Variants in EFHC2 observed in about 807,000 individuals in gnomAD.
The protein encoded by EFHC2 is EF-hand domain containing 2.
Under a neutral mutation model 52.7 loss-of-function variants are expected in EFHC2, and 18 were observed. That is an observed-to-expected ratio of 0.34 (90% CI 0.24 to 0.51). The LOEUF is 0.51. Among genes scored for constraint, EFHC2 ranks in the 20% least tolerant of loss-of-function variants. The pLI, the probability that EFHC2 is intolerant of heterozygous loss-of-function variation, is 0.97. For missense variants in EFHC2, 513 were observed against 562.5 expected, an observed-to-expected ratio of 0.91 and a Z score of 0.89; for synonymous variants, 203 against 204.1, an observed-to-expected ratio of 0.99 and a Z score of 0.04.
chrX:44,254,903 C>T (rs909128036), intron 4 of EFHC2, among the ~76,000 whole-genome samples: 3 of 111,859 alleles, frequency 2.7e-5, no homozygotes, highest in Admixed American at 9.4e-5. Flanking sequence ...AAGGGAAGCC[C>T]ATCAGACTAA....
intron 7 of EFHC2, among the ~76,000 whole-genome samples, chrX:44,244,019 C>T (rs770431445): frequency 1.6e-4 from 18 of 111,579 alleles, no homozygotes; most frequent in Non-Finnish European, 2.8e-4. Context: ...ACTCTACATA[C>T]CAATCTAAGC....
chrX:44,167,761 C>G (rs913059612), intron 13 of EFHC2, among the ~76,000 whole-genome samples: 1 of 111,178 alleles, frequency 9.0e-6, no homozygotes, highest in African/African-American at 3.3e-5. Context: ...GGGAATCCCC[C>G]CAAGAGGCAC....
At chrX:44,272,115 C>G (rs1272008736) in intron 3 of EFHC2, among the ~76,000 whole-genome samples, 1 of 111,787 alleles carries the variant, frequency 8.9e-6, no homozygotes, top group African/African-American at 3.3e-5. Context: ...TCTCTGGTGG[C>G]CACATCACAG....
chrX:44,147,895 G>C lies in EFHC2; in HGVS notation c.*900C>G, dbSNP rs1048000338. 1 of 111,297 alleles carries C rather than the reference G, an allele frequency of 9.0e-6. No homozygotes were observed. Among genetic ancestry groups the C allele is most frequent in the African/African-American group, 3.3e-5 (1 of 30,588 alleles). The allele number at this position is 111,297 out of a possible 1,213,427, so 9.2% of individuals were successfully genotyped here. On this transcript the variant is annotated 3_prime_UTR_variant, in exon 15 of 15. Transcript: ENST00000420999. ...AATTCCCAGAGGTACATGGCTATGGGTTTTAATCAAATGTACACTACATGA... is the reference window on the plus strand; with the variant it reads ...AATTCCCAGAGGTACATGGCTATGGCTTTTAATCAAATGTACACTACATGA...
chrX:44,327,457 T>C (rs1256287143), intron 1 of EFHC2, among the ~76,000 whole-genome samples: 1 of 112,174 alleles, frequency 8.9e-6, no homozygotes, highest in Non-Finnish European at 1.9e-5. Flanking sequence ...TTTAGGTTAA[T>C]AGAAAATTTG....
At chrX:44,274,477 G>C (rs2037640242) in intron 2 of EFHC2, among the ~76,000 whole-genome samples, 1 of 112,215 alleles carries the variant, frequency 8.9e-6, no homozygotes, top group Non-Finnish European at 1.9e-5. Flanking sequence ...TCACTGAATT[G>C]CACACTTTAA....
intron 14 of EFHC2, among the ~76,000 whole-genome samples, chrX:44,150,531 G>C (rs2036562012): frequency 9.0e-6 from 1 of 111,660 alleles, no homozygotes; most frequent in Non-Finnish European, 1.9e-5. Context: ...GGTAGGTCTT[G>C]GCCAGGGAAA....
rs1230846296 is a variant in EFHC2 at position 44,343,552 on chromosome X, G to A, written c.37C>T (p.Arg13Cys). 8.4e-7 allele frequency: 1 copy of A among 1,196,595 alleles called. No homozygotes were observed. Among genetic ancestry groups the A allele is most frequent in the Admixed American group, 2.3e-5 (1 of 44,046 alleles). Reference sequence around the variant, plus strand: ...CGGACGCCCTTCCTACTCACGTTGCGGTTGAAGCTGTTGCCCGGCAGCAGA... The same window carrying A: ...CGGACGCCCTTCCTACTCACGTTGCAGTTGAAGCTGTTGCCCGGCAGCAGA... The part of the protein sequence containing the change: ...LPLLPGNSFN[R>C]NVGKEKFHKS... The change falls in exon 1 of 15, where the codon CGC (arginine) becomes TGC (cysteine). Residue 13 changes from arginine (R) to cysteine (C), a missense_variant. Transcript: ENST00000420999.
chrX:44,264,413 T>A (rs2037561741), intron 3 of EFHC2, among the ~76,000 whole-genome samples: 1 of 112,155 alleles, frequency 8.9e-6, no homozygotes, highest in Non-Finnish European at 1.9e-5. Flanking sequence ...CTGCAGGGCC[T>A]GCCCCACCAG....
At chrX:44,179,439 C>T (rs1011818048) in intron 11 of EFHC2, among the ~76,000 whole-genome samples, 1 of 112,054 alleles carries the variant, frequency 8.9e-6, no homozygotes, top group Non-Finnish European at 1.9e-5. Context: ...ATTTGGCCTT[C>T]TGCTAGAAAG....
At chrX:44,314,097 C>G (rs1337896902) in intron 1 of EFHC2, among the ~76,000 whole-genome samples, 1 of 112,040 alleles carries the variant, frequency 8.9e-6, no homozygotes, top group Non-Finnish European at 1.9e-5. Flanking sequence ...ATGGATAATA[C>G]ATGCATAGAA....
At chrX:44,317,668 C>T (rs182266490) in intron 1 of EFHC2, among the ~76,000 whole-genome samples, 1 of 112,863 alleles carries the variant, frequency 8.9e-6, no homozygotes, top group East Asian at 2.8e-4. Context: ...TGCGTATAGT[C>T]CCAGCTACTC....
intron 3 of EFHC2, among the ~76,000 whole-genome samples, chrX:44,262,528 A>AG (rs2147346351): frequency 9.6e-6 from 1 of 104,598 alleles, no homozygotes; most frequent in African/African-American, 3.5e-5. Flanking sequence ...AAAAAAAAAA[A>AG]AAAAAAAGAA....
chrX:44,218,499 C>T (rs1393189469), intron 11 of EFHC2, among the ~76,000 whole-genome samples: 1 of 111,451 alleles, frequency 9.0e-6, no homozygotes, highest in African/African-American at 3.3e-5. Context: ...TATGCTGGCC[C>T]ATAATATAAG....
intron 1 of EFHC2, 130 bp from the exon 2 acceptor site, chrX:44,312,886 T>C: frequency 1.8e-6 from 1 of 570,917 alleles, no homozygotes; most frequent in Non-Finnish European, 2.6e-6. Flanking sequence ...AAGTGGCAAA[T>C]AATTATGATC....
chrX:44,193,230 C>G (rs1453186814), intron 11 of EFHC2, among the ~76,000 whole-genome samples: 1 of 105,216 alleles, frequency 9.5e-6, no homozygotes, highest in Non-Finnish European at 2.0e-5. Flanking sequence ...ACCTATGACC[C>G]GAAAGCCTGC....
chrX:44,211,584 G>A (rs1447184303), intron 11 of EFHC2, among the ~76,000 whole-genome samples: 2 of 108,446 alleles, frequency 1.8e-5, no homozygotes, highest in Non-Finnish European at 1.9e-5. Flanking sequence ...AAGATTGGCC[G>A]GGCTCAGTGG....
intron 2 of EFHC2, among the ~76,000 whole-genome samples, chrX:44,280,566 A>G (rs1208923190): frequency 8.9e-6 from 1 of 112,157 alleles, no homozygotes; most frequent in African/African-American, 3.2e-5. Flanking sequence ...AAATATTAGC[A>G]AGAAAGAGAC....
intron 2 of EFHC2, among the ~76,000 whole-genome samples, chrX:44,304,506 C>A (rs752822417): frequency 3.6e-5 from 4 of 111,453 alleles, no homozygotes; most frequent in Non-Finnish European, 7.5e-5. Context: ...TGAGGACAAC[C>A]GTCTATATTT....
Sources: allele counts gnomAD v4.1 joint callset (sites outside exome capture counted in the v4.1 genomes callset), GRCh38; gene constraint gnomAD v4.1.1; transcripts MANE v1.5; gene names NCBI Gene and HGNC (gene_info 2026-07-23, HGNC 2026-07-21).